The following KIFBP variants were observed in gnomAD, a reference collection of about 807,000 sequenced individuals.
KIFBP encodes the protein KIF-binding protein.
A neutral mutation model predicts 58.9 loss-of-function variants in KIFBP; 46 were observed. The ratio of observed to expected loss-of-function variants is 0.78; its 90% CI spans 0.62 to 1.00. The LOEUF (loss-of-function observed/expected upper bound fraction) is 1.00, where lower values mean the gene tolerates loss of function less well. Among genes scored for constraint, KIFBP ranks in the 50% least tolerant of loss-of-function variants. KIFBP has a pLI of 0.00. For missense variants in KIFBP, 651 were observed against 752.9 expected (o/e 0.86, Z 1.58); for synonymous variants, 241 against 283.4 (o/e 0.85, Z 1.50).
chr10:69,008,391 A>AATATATATATATATATATATATATAT (rs1173764355), intron 4 of KIFBP, among the ~76,000 whole-genome samples: 8 of 71,588 alleles, frequency 1.1e-4, no homozygotes, highest in African/African-American at 6.2e-4. Context: ...AAAAAAAAAA[A>AATATATATATATATATATATATATAT]ATATATATAT....
chr10:68,989,535 G>T, intron 1 of KIFBP: 1 of 559,414 alleles, frequency 1.8e-6, no homozygotes, highest in South Asian at 2.1e-5. Context: ...TCACTTAGAC[G>T]TGGCGATGCA....
rs577733541 is a variant in KIFBP, at chr10:69,003,120, CAT to C, written c.526-1922_526-1921del. The stretch of plus-strand genomic sequence containing the variant: ...ATAGTATTTGTATGGAAACATAACA[CAT>C]ATAGTGAAATTCCTTGTGTTTAGTT... On this transcript the variant is annotated intron_variant, in intron 2 of 6. Transcript: ENST00000361983. 1.0e-3 allele frequency among the ~76,000 whole-genome samples: 152 copies of C among 150,956 alleles called. 1 individual carries two copies. The highest frequency in any genetic ancestry group is 1.6e-3 in the Admixed American group (25 of 15,172).
intron 1 of KIFBP, among the ~76,000 whole-genome samples, chr10:68,998,820 G>A (rs1192062688): frequency 7.5e-6 from 1 of 134,168 alleles, no homozygotes; most frequent in Non-Finnish European, 1.5e-5. Flanking sequence ...CTGTAGCCCA[G>A]GCTGGAGTGC....
At position 69,016,235 on chromosome 10, in the gene KIFBP, C is replaced by T. The variant is rs372342802; in HGVS notation, c.1685C>T (p.Pro562Leu). The change falls in exon 7 of 7, where the codon CCC (proline) becomes CTC (leucine). Residue 562 changes from proline to leucine, a missense_variant. Pro to Leu is a moderately conservative substitution (Grantham distance 98, BLOSUM62 -3). Coordinates refer to ENST00000361983, the MANE Select transcript of KIFBP (RefSeq NM_015634.4). ...RLYGKIITAD[P>L]KKELENLATS... ...TATGGCAAAATCATTACTGCAGATC[C>T]CAAGAAAGAGCTGGAAAATTTGGCA... is the stretch of plus-strand genomic sequence containing the variant. 1.7e-4 allele frequency: 272 copies of T among 1,602,562 alleles called. No individual in the cohort carries two copies. Among genetic ancestry groups the T allele is most frequent in the Non-Finnish European group, 2.2e-4 (253 of 1,175,132 alleles).
chr10:69,000,267 T>G (rs1843452030), intron 1 of KIFBP, among the ~76,000 whole-genome samples, 157 bp from the exon 2 acceptor site: 1 of 152,226 alleles, frequency 6.6e-6, no homozygotes, highest in Non-Finnish European at 1.5e-5. Flanking sequence ...AGCTACCTGC[T>G]GCACTACATA....
rs34514567 is a variant in KIFBP at position 68,998,403 on chromosome 10, G to GT, written c.427-2010dup. The stretch of plus-strand genomic sequence containing the variant: ...ATCTGCAAACTAGCATAATAGAAAG[G>GT]TTTTTTTTTTTCATTTCTATTGTTC... On this transcript the variant is annotated intron_variant, in intron 1 of 6. Transcript: ENST00000361983. Among the ~76,000 whole-genome samples the GT allele has an allele frequency of 1.1e-3, 164 of 145,848 alleles. 1 individual carries two copies. Among genetic ancestry groups the GT allele is most frequent in the South Asian group, 1.7e-3 (8 of 4,606 alleles).
In KIFBP at chr10:69,005,778, T is replaced by C; in HGVS notation, c.652T>C (p.Tyr218His). Reference protein sequence around the residue: ...THNLYYLAQVYQHLEMFEKAA... With the variant: ...THNLYYLAQVHQHLEMFEKAA... ...TAACCTATATTACCTAGCTCAAGTCTACCAGCATCTGGAAATGTTTGAGAA... is the reference window on the plus strand; with the variant it reads ...TAACCTATATTACCTAGCTCAAGTCCACCAGCATCTGGAAATGTTTGAGAA... The change falls in exon 4 of 7, where the codon TAC (tyrosine) becomes CAC (histidine). Residue 218 changes from tyrosine to histidine, a missense_variant. Physicochemically the swap from Tyr to His is moderately conservative, Grantham distance 83. Transcript: ENST00000361983. 1 of 1,613,952 alleles carries C rather than the reference T, an allele frequency of 6.2e-7. No homozygotes were observed.
At chr10:68,989,501 A>G (rs769086714) in intron 1 of KIFBP, 1 of 588,132 alleles carries the variant, frequency 1.7e-6, no homozygotes, top group Non-Finnish European at 3.0e-6. Flanking sequence ...CTCGTCGCCC[A>G]CACCAATATC....
chr10:68,992,465 G>A (rs147025169), intron 1 of KIFBP, among the ~76,000 whole-genome samples: 1 of 152,042 alleles, frequency 6.6e-6, no homozygotes, highest in African/African-American at 2.4e-5. Flanking sequence ...TAAATTTTTT[G>A]TTTCAAGACT....
At chr10:69,012,412 T>A (rs76652065) in intron 6 of KIFBP, among the ~76,000 whole-genome samples, 9,409 of 152,260 alleles carry the variant, frequency 0.062, 327 homozygotes, top group Middle Eastern at 0.11. Flanking sequence ...ATAATAAAAT[T>A]AATCATTTAG....
At chr10:69,010,039 G>A (rs961616933) in intron 5 of KIFBP, among the ~76,000 whole-genome samples, 1 of 151,992 alleles carries the variant, frequency 6.6e-6, no homozygotes, top group African/African-American at 2.4e-5. Flanking sequence ...AGAGGCACTT[G>A]TCTCAAAAAA....
chr10:69,003,575 AAG>A (rs1474754117), intron 2 of KIFBP, among the ~76,000 whole-genome samples: 3 of 152,174 alleles, frequency 2.0e-5, no homozygotes, highest in Non-Finnish European at 2.9e-5. Flanking sequence ...TGGAAGACGT[AAG>A]AGGGGGTTGT....
At chr10:68,991,539 C>A in intron 1 of KIFBP, 1 of 440,350 alleles carries the variant, frequency 2.3e-6, no homozygotes, top group Non-Finnish European at 4.8e-6. Context: ...AAGCACTTGA[C>A]AAAGCTAAGG....
intron 1 of KIFBP, chr10:68,989,475 A>C: frequency 1.7e-6 from 1 of 604,978 alleles, no homozygotes; most frequent in South Asian, 2.0e-5. Flanking sequence ...GGCCGTCCCC[A>C]GACTCCGTGT....
Position 68,988,847 on chromosome 10 carries a change from G to T in KIFBP, c.15G>T (p.Pro5=). The T allele has an allele frequency of 6.2e-7, 1 of 1,614,262 alleles. No homozygotes were observed. Among genetic ancestry groups the T allele is most frequent in the Non-Finnish European group, 8.5e-7 (1 of 1,180,048 alleles). The change falls in exon 1 of 7, where the codon CCG becomes CCT. Residue 5 remains proline, a synonymous_variant. Coordinates refer to ENST00000361983, the MANE Select transcript of KIFBP (RefSeq NM_015634.4). ...TAGAGGCCGCTATGGCGAACGTTCC[G>T]TGGGCAGAGGTCTGCGAGAAATTCC... The part of the protein sequence containing the change: MANV[P]WAEVCEKFQA...
chr10:69,007,442 C>T (rs1304452633), intron 4 of KIFBP, among the ~76,000 whole-genome samples: 1 of 152,120 alleles, frequency 6.6e-6, no homozygotes, highest in East Asian at 1.9e-4. Context: ...CCACATTTAC[C>T]AGCCACCTAG....
At chr10:69,009,618 C>T (rs1438842540) in intron 5 of KIFBP, among the ~76,000 whole-genome samples, 1 of 152,038 alleles carries the variant, frequency 6.6e-6, no homozygotes, top group Non-Finnish European at 1.5e-5. Context: ...GTGATGTTTC[C>T]TTATGCCATG....
intron 1 of KIFBP, among the ~76,000 whole-genome samples, chr10:68,990,107 A>G (rs911708170): frequency 3.9e-5 from 6 of 152,222 alleles, no homozygotes; most frequent in African/African-American, 1.2e-4. Context: ...TTGAAAACCT[A>G]TCTCAAGAAT....
In KIFBP at chr10:68,989,281, C is replaced by T. The variant is rs762799851; in HGVS notation, c.426+23C>T. The stretch of plus-strand genomic sequence containing the variant: ...CAGGTGAGAGCGAGCCCGGCCAGGC[C>T]GGCCCCTGTTGGCAAATGGCGAGGG... On this transcript the variant is annotated intron_variant, in intron 1 of 6. Transcript: ENST00000361983. The T allele has an allele frequency of 1.9e-6, 3 of 1,610,320 alleles. No individual in the cohort carries two copies. In the South Asian group the frequency reaches 3.3e-5, roughly 18 times the overall value.
Sources: gnomAD v4.1 joint callset for allele counts (sites outside exome capture counted in the v4.1 genomes callset) on GRCh38, gnomAD v4.1.1 for gene constraint, MANE v1.5 for transcripts, NCBI Gene and HGNC (gene_info 2026-07-23, HGNC 2026-07-21) for gene names.